Variants in ICE1 observed in about 807,000 individuals in gnomAD.
ICE1 encodes interactor of little elongation complex ELL subunit 1, also known as little elongation complex subunit 1.
Under a neutral mutation model 192.7 loss-of-function variants are expected in ICE1, and 64 were observed. The observed-to-expected ratio is 0.33, with a 90% CI of 0.27 to 0.41. ICE1 has a LOEUF of 0.41. ICE1 is among the 10% of genes least tolerant of loss of function. ICE1 has a pLI of 1.00. For missense variants in ICE1, 2,708 were observed against 2,696.0 expected, an observed-to-expected ratio of 1.00 and a Z score of -0.10; for synonymous variants, 1,010 against 984.5, an observed-to-expected ratio of 1.03 and a Z score of -0.49.
intron 10 of ICE1, among the ~76,000 whole-genome samples, chr5:5,448,417 C>T (rs1337434687): frequency 6.6e-6 from 1 of 152,178 alleles, no homozygotes; most frequent in South Asian, 2.1e-4. Context: ...CACTGCGTTA[C>T]TGAGCGCCAC....
In ICE1 at chr5:5,422,847, A is replaced by G; in HGVS notation, c.-69A>G. On this transcript the variant is annotated 5_prime_UTR_variant, in exon 1 of 19. Transcript: ENST00000296564. Reference sequence around the variant, plus strand: ...AGGCGGCGGCCCCGGCGGCATCAGCAGAGACAGGACGGGGCCGACGCCGCG... The same window carrying G: ...AGGCGGCGGCCCCGGCGGCATCAGCGGAGACAGGACGGGGCCGACGCCGCG... The G allele has an allele frequency of 8.7e-7, 1 of 1,151,156 alleles. No individual in the cohort carries two copies. Among genetic ancestry groups the G allele is most frequent in the Non-Finnish European group, 1.1e-6 (1 of 911,670 alleles). 71.3% of individuals were successfully genotyped at this position (1,151,156 alleles called of 1,614,324 possible). A position where few individuals can be genotyped will look rare whatever the true frequency, so the allele number is the denominator to read the frequency against.
intron 1 of ICE1, 139 bp downstream of exon 1, chr5:5,423,138 G>C: frequency 2.3e-6 from 1 of 439,428 alleles, no homozygotes; most frequent in Non-Finnish European, 3.8e-6. Context: ...TTGCTCGCTC[G>C]TCTCTCTGCT....
intron 15 of ICE1, among the ~76,000 whole-genome samples, chr5:5,470,646 T>C (rs191110682): frequency 1.2e-3 from 189 of 152,202 alleles, no homozygotes; most frequent in Non-Finnish European, 2.1e-3. Flanking sequence ...GTATTTTTTA[T>C]ATATCTATGA....
intron 11 of ICE1, among the ~76,000 whole-genome samples, chr5:5,455,275 G>GA (rs1372879803): frequency 6.6e-6 from 1 of 152,196 alleles, no homozygotes; most frequent in Non-Finnish European, 1.5e-5. Flanking sequence ...TAAGGGACAA[G>GA]TTACTGATTC....
In ICE1 at chr5:5,468,898, G is replaced by A. The variant is rs562358542; in HGVS notation, c.6132G>A (p.Ser2044=). The A allele has an allele frequency of 1.1e-5, 17 of 1,606,002 alleles. No homozygotes were observed. The highest frequency in any genetic ancestry group is 1.4e-5 in the Non-Finnish European group (17 of 1,176,544). Residue 2044 remains serine, a synonymous_variant, in exon 15 of 19, where the codon TCG becomes TCA. Transcript: ENST00000296564. ...NMWHDIFLSQ[S]VINKAMQLVA... ...GGCATGATATATTTCTCTCTCAATC[G>A]GTGATTAATAAAGCAATGCAGTTAG...
intron 17 of ICE1, among the ~76,000 whole-genome samples, chr5:5,482,264 T>G (rs998955599): frequency 1.3e-4 from 20 of 152,164 alleles, no homozygotes; most frequent in African/African-American, 4.6e-4. Context: ...ATATGTATTA[T>G]TTAGAGTAAT....
intron 1 of ICE1, among the ~76,000 whole-genome samples, chr5:5,426,315 T>C (rs897326104): frequency 2.0e-5 from 3 of 151,976 alleles, no homozygotes; most frequent in African/African-American, 7.2e-5. Flanking sequence ...CATGGTGGCA[T>C]GCGCCTGTAA....
rs1317037633 is a variant in ICE1, at chr5:5,457,542, A to G, written c.902A>G (p.Asn301Ser). ...NCSSDHVFNE[N>S]GNLEVLVQSH... ...AGTTCTGACCATGTTTTTAATGAGA[A>G]TGGAAATCTTGAGGTTTTAGTACAA... Residue 301 changes from asparagine (N) to serine (S), a missense_variant, in exon 12 of 19, where the codon AAT becomes AGT. By Grantham distance (46) the Asn-to-Ser change is conservative. Transcript: ENST00000296564. 1 of 1,613,864 alleles carries G rather than the reference A, an allele frequency of 6.2e-7. No individual in the cohort carries two copies. The highest frequency in any genetic ancestry group is 1.3e-5 in the African/African-American group (1 of 74,924).
chr5:5,457,020 G>A (rs1303859416), intron 11 of ICE1, among the ~76,000 whole-genome samples: 1 of 152,178 alleles, frequency 6.6e-6, no homozygotes, highest in African/African-American at 2.4e-5. Flanking sequence ...GATTCATCCA[G>A]AGACCGAGTG....
chr5:5,473,488 T>C (rs1739224690), intron 15 of ICE1, 70 bp from the exon 16 acceptor site: 4 of 1,336,326 alleles, frequency 3.0e-6, no homozygotes, highest in Non-Finnish European at 4.1e-6. Context: ...TTATAGTCTT[T>C]TAGATAACTA....
chr5:5,483,443 G>C (rs1739560139), intron 17 of ICE1, among the ~76,000 whole-genome samples: 1 of 152,212 alleles, frequency 6.6e-6, no homozygotes, highest in Non-Finnish European at 1.5e-5. Context: ...CACAGGATTA[G>C]TACACGGGGT....
intron 3 of ICE1, among the ~76,000 whole-genome samples, chr5:5,439,035 T>G (rs901963008): frequency 6.6e-6 from 1 of 152,226 alleles, no homozygotes; most frequent in Admixed American, 6.5e-5. Flanking sequence ...TTTCCCATTT[T>G]TTTCAAGATG....
rs576781952 is a variant in ICE1 at position 5,489,812 on chromosome 5, A to C, written c.*482A>C. 6.5e-6 allele frequency: 1 copy of C among 152,728 alleles called. No homozygotes were observed. The highest frequency in any genetic ancestry group is 2.4e-5 in the African/African-American group (1 of 41,580). The allele number at this position is 152,728 out of a possible 1,614,324, so 9.5% of individuals were successfully genotyped here. On this transcript the variant is annotated 3_prime_UTR_variant, in exon 19 of 19. Coordinates refer to ENST00000296564, the MANE Select transcript of ICE1 (RefSeq NM_015325.3). ...ATCTTTGCTGGAAATGAGTTGCAAA[A>C]GTTTTTCTCAAGATGTAGTGCGTAA...
chr5:5,459,729 C>CT (rs1406968464), intron 12 of ICE1, among the ~76,000 whole-genome samples: 23 of 152,218 alleles, frequency 1.5e-4, no homozygotes, highest in African/African-American at 5.5e-4. Context: ...CCACTGTTCT[C>CT]TAACAGAATA....
intron 1 of ICE1, among the ~76,000 whole-genome samples, chr5:5,432,406 C>A (rs1737738887): frequency 6.6e-6 from 1 of 152,314 alleles, no homozygotes; most frequent in South Asian, 2.1e-4. Context: ...GGATATGTGA[C>A]ATTTTGTGAA....
chr5:5,483,484 T>A (rs1371648613), intron 17 of ICE1, among the ~76,000 whole-genome samples: 1 of 152,202 alleles, frequency 6.6e-6, no homozygotes, highest in Non-Finnish European at 1.5e-5. Flanking sequence ...GATTAACTAT[T>A]AAAGAGCATT....
chr5:5,472,593 G>A (rs901347967), intron 15 of ICE1, among the ~76,000 whole-genome samples: 6 of 152,118 alleles, frequency 3.9e-5, no homozygotes, highest in African/African-American at 1.2e-4. Flanking sequence ...TGGTTATCAG[G>A]TGTATTATTT....
Position 5,441,231 on chromosome 5 carries a change from CAAT to C in ICE1, c.309+12_309+14del. On this transcript the variant is annotated intron_variant, in intron 5 of 18. Transcript: ENST00000296564. ...GAGCTAGAAGAGAAAAAGGTATGAA[CAAT>C]AATTTTCTGTAAAGATTTACGGTCA... is the stretch of plus-strand genomic sequence containing the variant. 2.0e-6 allele frequency: 3 copies of C among 1,469,708 alleles called. No homozygotes were observed. Among genetic ancestry groups the C allele is most frequent in the Non-Finnish European group, 2.8e-6 (3 of 1,072,744 alleles). 91.0% of individuals were successfully genotyped at this position (1,469,708 alleles called of 1,614,324 possible). A position where few individuals can be genotyped will look rare whatever the true frequency, so the allele number is the denominator to read the frequency against.
chr5:5,477,035 T>C (rs957238421), intron 17 of ICE1, among the ~76,000 whole-genome samples: 1 of 152,132 alleles, frequency 6.6e-6, no homozygotes, highest in Middle Eastern at 3.2e-3. Flanking sequence ...TTTTTACTTA[T>C]CTCCTATGAA....
Sources: allele counts gnomAD v4.1 joint callset (sites outside exome capture counted in the v4.1 genomes callset), GRCh38; gene constraint gnomAD v4.1.1; transcripts MANE v1.5; gene names NCBI Gene and HGNC (gene_info 2026-07-23, HGNC 2026-07-21).